Variants in RALGAPB observed in about 807,000 individuals in gnomAD.
The protein encoded by RALGAPB is Ral GTPase activating protein non-catalytic subunit beta, also known as ral GTPase-activating protein subunit beta.
Under a neutral mutation model 161.1 loss-of-function variants are expected in RALGAPB, and 25 were observed. The ratio of observed to expected loss-of-function variants is 0.16; its 90% CI spans 0.11 to 0.22. RALGAPB has a LOEUF of 0.22. Ranked by LOEUF, RALGAPB falls within the 10% of genes least tolerant of loss-of-function variation. The pLI is 1.00. For missense variants in RALGAPB, 1,391 were observed against 1,815.2 expected, an observed-to-expected ratio of 0.77 and a Z score of 4.25; for synonymous variants, 629 against 626.1, an observed-to-expected ratio of 1.00 and a Z score of -0.07.
intron 1 of RALGAPB, among the ~76,000 whole-genome samples, chr20:38,482,197 A>G (rs1030305477): frequency 6.6e-6 from 1 of 152,210 alleles, no homozygotes; most frequent in Non-Finnish European, 1.5e-5. Context: ...TGTATTTACT[A>G]TTCATTAAGT....
chr20:38,526,147 C>G (rs1366544725), intron 13 of RALGAPB, 105 bp downstream of exon 13: 4 of 1,254,160 alleles, frequency 3.2e-6, no homozygotes, highest in African/African-American at 1.5e-5. Context: ...TAATGTAGCT[C>G]TACTTACTCT....
chr20:38,548,854 A>G lies in RALGAPB; in HGVS notation c.3009+59A>G. ...TGTTTTGTAATTTAAAGGTTAGGTA[A>G]CATTCCAACAGAAGACACAGATCAA... On this transcript the variant is annotated intron_variant, in intron 20 of 29. Transcript: ENST00000262879. The G allele has an allele frequency of 3.7e-6, 5 of 1,361,072 alleles. No homozygotes were observed. The African/African-American group carries it at 5.8e-5, about 16-fold the overall frequency. The allele number at this position is 1,361,072 out of a possible 1,614,324, so 84.3% of individuals were successfully genotyped here.
chr20:38,522,355 C>T (rs1046256181), intron 10 of RALGAPB, among the ~76,000 whole-genome samples: 9 of 152,186 alleles, frequency 5.9e-5, no homozygotes, highest in African/African-American at 1.7e-4. Flanking sequence ...AGGCCAGAAA[C>T]GAAGAGTCAT....
intron 14 of RALGAPB, among the ~76,000 whole-genome samples, 181 bp downstream of exon 14, chr20:38,531,412 T>G (rs1442177498): frequency 6.6e-6 from 1 of 152,230 alleles, no homozygotes; most frequent in African/African-American, 2.4e-5. Flanking sequence ...CAGTGCCTCT[T>G]CAGCTGTACA....
chr20:38,564,682 A>T (rs970843991), intron 24 of RALGAPB, among the ~76,000 whole-genome samples: 4 of 152,172 alleles, frequency 2.6e-5, no homozygotes, highest in African/African-American at 9.7e-5. Context: ...AGCAGATACT[A>T]TTACTAAAAC....
chr20:38,560,432 C>T (rs1240826647), intron 23 of RALGAPB, among the ~76,000 whole-genome samples: 2 of 152,130 alleles, frequency 1.3e-5, no homozygotes, highest in Non-Finnish European at 2.9e-5. Flanking sequence ...ATAATAATAA[C>T]GTGTAAATTC....
intron 15 of RALGAPB, among the ~76,000 whole-genome samples, chr20:38,534,155 A>C (rs2086736950): frequency 6.6e-6 from 1 of 151,664 alleles, no homozygotes; most frequent in South Asian, 2.1e-4. Flanking sequence ...AAAAAAAAAA[A>C]ACAGAAAACA....
intron 23 of RALGAPB, among the ~76,000 whole-genome samples, chr20:38,561,106 A>G (rs1305521116): frequency 2.0e-5 from 3 of 152,198 alleles, no homozygotes; most frequent in Non-Finnish European, 4.4e-5. Flanking sequence ...CGCGCGGATC[A>G]CGAGGTCAGG....
At chr20:38,570,123 T>C in intron 27 of RALGAPB, 127 bp downstream of exon 27, 2 of 677,876 alleles carry the variant, frequency 3.0e-6, no homozygotes, top group Non-Finnish European at 5.0e-6. Flanking sequence ...CAGCAAGCCT[T>C]GGTTTGTACC....
chr20:38,564,257 C>T (rs1004526746), intron 24 of RALGAPB, among the ~76,000 whole-genome samples: 2 of 152,160 alleles, frequency 1.3e-5, no homozygotes, highest in African/African-American at 4.8e-5. Flanking sequence ...TATTGGAACT[C>T]GGTCACACTC....
chr20:38,483,169 G>A (rs1439052396), intron 1 of RALGAPB, among the ~76,000 whole-genome samples: 1 of 152,194 alleles, frequency 6.6e-6, no homozygotes, highest in Non-Finnish European at 1.5e-5. Flanking sequence ...GATTATAGGC[G>A]TGAGCCACCA....
intron 4 of RALGAPB, among the ~76,000 whole-genome samples, chr20:38,499,175 G>T (rs1448534953): frequency 6.6e-6 from 1 of 152,090 alleles, no homozygotes; most frequent in African/African-American, 2.4e-5. Flanking sequence ...GTGTCCCTCT[G>T]TCCCCCTTGC....
Position 38,575,306 on chromosome 20 carries a change from C to A in RALGAPB, c.*339C>A. 5.2e-6 allele frequency: 1 copy of A among 193,326 alleles called. No homozygotes were observed. The highest frequency in any genetic ancestry group is 1.1e-5 in the Non-Finnish European group (1 of 93,774). The allele number at this position is 193,326 out of a possible 1,614,324, so 12.0% of individuals were successfully genotyped here. A position where few individuals can be genotyped will look rare whatever the true frequency, so the allele number is the denominator to read the frequency against. Reference sequence around the variant, plus strand: ...TAAACACGTGCATTGGTAGTATCAACAAATTTGCAATATAGAAGTTGAAGA... The same window carrying A: ...TAAACACGTGCATTGGTAGTATCAAAAAATTTGCAATATAGAAGTTGAAGA... On this transcript the variant is annotated 3_prime_UTR_variant, in exon 30 of 30. Transcript: ENST00000262879.
At chr20:38,521,788 G>A (rs762187932) in intron 10 of RALGAPB, 90 bp downstream of exon 10, 9 of 1,310,172 alleles carry the variant, frequency 6.9e-6, no homozygotes, top group Non-Finnish European at 9.7e-6. Context: ...AGTGATGTTG[G>A]TCTGAAATAC....
chr20:38,562,499 T>G, intron 23 of RALGAPB, 33 bp from the exon 24 acceptor site: 1 of 1,516,212 alleles, frequency 6.6e-7, no homozygotes, highest in Middle Eastern at 1.7e-4. Flanking sequence ...TTTTGTTTCC[T>G]TCATTATAGC....
At chr20:38,533,963 A>AC (rs1337278812) in intron 15 of RALGAPB, among the ~76,000 whole-genome samples, 1 of 101,224 alleles carries the variant, frequency 9.9e-6, no homozygotes, top group Non-Finnish European at 1.9e-5. Context: ...ACGTGGTGAA[A>AC]CCCCATCTCT....
At chr20:38,558,904 T>C (rs911567273) in intron 23 of RALGAPB, among the ~76,000 whole-genome samples, 1 of 152,210 alleles carries the variant, frequency 6.6e-6, no homozygotes, top group Non-Finnish European at 1.5e-5. Flanking sequence ...CTAGGCATGA[T>C]AATTTGAGGG....
intron 13 of RALGAPB, among the ~76,000 whole-genome samples, chr20:38,530,431 T>A (rs1268429766): frequency 1.3e-5 from 2 of 152,214 alleles, no homozygotes; most frequent in Middle Eastern, 3.4e-3. Context: ...TATTTTTTAT[T>A]TATTTTTAGA....
At chr20:38,503,176 A>T (rs990598915) in intron 5 of RALGAPB, among the ~76,000 whole-genome samples, 1 of 152,244 alleles carries the variant, frequency 6.6e-6, no homozygotes, top group African/African-American at 2.4e-5. Flanking sequence ...AGAATACCAT[A>T]TATAATACAC....
Sources: gnomAD v4.1 joint callset for allele counts (sites outside exome capture counted in the v4.1 genomes callset) on GRCh38, gnomAD v4.1.1 for gene constraint, MANE v1.5 for transcripts, NCBI Gene and HGNC (gene_info 2026-07-23, HGNC 2026-07-21) for gene names.